Variants in HS3ST5 observed in about 807,000 individuals in gnomAD.
The protein encoded by HS3ST5 is heparan sulfate-glucosamine 3-sulfotransferase 5, also known as heparan sulfate glucosamine 3-O-sulfotransferase 5.
Under a neutral mutation model 25.4 loss-of-function variants are expected in HS3ST5, and 10 were observed. The observed-to-expected ratio is 0.39, with a 90% CI of 0.24 to 0.67. The LOEUF (loss-of-function observed/expected upper bound fraction) is 0.67. Ranked by LOEUF, HS3ST5 falls within the 30% of genes least tolerant of loss-of-function variation. The pLI is 0.44. For missense variants in HS3ST5, 324 were observed against 420.7 expected, an observed-to-expected ratio of 0.77 and a Z score of 2.01; for synonymous variants, 170 against 162.4, an observed-to-expected ratio of 1.05 and a Z score of -0.36.
At chr6:114,271,620 T>C (rs1773640251) in intron 1 of HS3ST5, among the ~76,000 whole-genome samples, 1 of 152,068 alleles carries the variant, frequency 6.6e-6, no homozygotes, top group South Asian at 2.1e-4. Flanking sequence ...ATCTCTTCCC[T>C]TACAATTGTA....
At chr6:114,187,991 C>T (rs932087074) in intron 2 of HS3ST5, among the ~76,000 whole-genome samples, 1 of 152,150 alleles carries the variant, frequency 6.6e-6, no homozygotes, top group African/African-American at 2.4e-5. Flanking sequence ...ATTTTTTAGA[C>T]ATACTGCTAT....
At chr6:114,225,871 A>G (rs1771248340) in intron 2 of HS3ST5, among the ~76,000 whole-genome samples, 1 of 151,938 alleles carries the variant, frequency 6.6e-6, no homozygotes, top group Admixed American at 6.6e-5. Flanking sequence ...TCTGTAAACC[A>G]TCATCTTGAA....
intron 1 of HS3ST5, among the ~76,000 whole-genome samples, chr6:114,341,264 A>AGAGT (rs1776855459): frequency 6.7e-6 from 1 of 148,982 alleles, no homozygotes; most frequent in Non-Finnish European, 1.5e-5. Flanking sequence ...AGAGAGAGTG[A>AGAGT]GTCCCACCGG....
At chr6:114,067,448 G>A (rs1461075770) in intron 3 of HS3ST5, among the ~76,000 whole-genome samples, 7 of 152,098 alleles carry the variant, frequency 4.6e-5, no homozygotes, top group East Asian at 1.9e-4. Flanking sequence ...AAACTATGAC[G>A]AAAAAACTGT....
intron 1 of HS3ST5, among the ~76,000 whole-genome samples, chr6:114,295,771 T>C (rs1255363130): frequency 3.9e-5 from 6 of 152,242 alleles, no homozygotes; most frequent in Non-Finnish European, 7.3e-5. Context: ...GTAGGTCTAC[T>C]GTGACGGAAG....
At chr6:114,090,572 G>A (rs1179136464) in intron 3 of HS3ST5, among the ~76,000 whole-genome samples, 2 of 152,158 alleles carry the variant, frequency 1.3e-5, no homozygotes, top group African/African-American at 2.4e-5. Flanking sequence ...GGTATGCTAT[G>A]TTCCAGCTTT....
At chr6:114,235,646 A>G (rs1771822539) in intron 1 of HS3ST5, 1 of 152,236 alleles carries the variant, frequency 6.6e-6, no homozygotes, top group Non-Finnish European at 1.5e-5. Context: ...CACCTCCAAC[A>G]AAACAATTCT....
rs1282133818 is a variant in HS3ST5 at position 114,056,841 on chromosome 6, T to G, written c.*416A>C. On this transcript the variant is annotated 3_prime_UTR_variant, in exon 5 of 5. Coordinates refer to ENST00000312719, the MANE Select transcript of HS3ST5 (RefSeq NM_153612.4). The stretch of plus-strand genomic sequence containing the variant: ...TCTGAATTAAAGAGCCAGCTTTCCC[T>G]TAGGAAAAAAAAAATGCATCACTGG... 1 of 157,020 alleles carries G rather than the reference T, an allele frequency of 6.4e-6. No homozygotes were observed. The allele number at this position is 157,020 out of a possible 1,614,324, so 9.7% of individuals were successfully genotyped here. A position where few individuals can be genotyped will look rare whatever the true frequency, so the allele number is the denominator to read the frequency against.
chr6:114,302,381 T>A (rs764307264), intron 1 of HS3ST5, among the ~76,000 whole-genome samples: 2 of 152,254 alleles, frequency 1.3e-5, no homozygotes, highest in Admixed American at 6.5e-5. Flanking sequence ...CATAGTTAAG[T>A]TTATTAATAA....
chr6:114,251,994 G>A (rs1462469219), intron 1 of HS3ST5: 1 of 152,170 alleles, frequency 6.6e-6, no homozygotes, highest in Non-Finnish European at 1.5e-5. Flanking sequence ...CAGCACCTAG[G>A]AGGGTACCTC....
At chr6:114,190,676 A>C (rs1208422416) in intron 2 of HS3ST5, among the ~76,000 whole-genome samples, 1 of 152,166 alleles carries the variant, frequency 6.6e-6, no homozygotes, top group African/African-American at 2.4e-5. Flanking sequence ...CCTTATGTGA[A>C]TAAGTTTCAA....
At chr6:114,092,748 T>G (rs1287900307) in intron 3 of HS3ST5, among the ~76,000 whole-genome samples, 1 of 151,556 alleles carries the variant, frequency 6.6e-6, no homozygotes, top group African/African-American at 2.4e-5. Flanking sequence ...CGATCTCGGC[T>G]TACTGCAACC....
At chr6:114,249,303 A>C (rs1187942410) in intron 1 of HS3ST5, among the ~76,000 whole-genome samples, 2 of 152,166 alleles carry the variant, frequency 1.3e-5, no homozygotes, top group African/African-American at 2.4e-5. Flanking sequence ...TTTACCATTT[A>C]TTACTTGTAC....
intron 1 of HS3ST5, among the ~76,000 whole-genome samples, chr6:114,300,172 A>T (rs1420250635): frequency 6.6e-6 from 1 of 152,172 alleles, no homozygotes; most frequent in Non-Finnish European, 1.5e-5. Flanking sequence ...ATCAAAATTA[A>T]AACTATTGTG....
At chr6:114,206,597 CA>C (rs1393036747) in intron 2 of HS3ST5, among the ~76,000 whole-genome samples, 1 of 152,132 alleles carries the variant, frequency 6.6e-6, no homozygotes, top group African/African-American at 2.4e-5. Flanking sequence ...TGAATGTTCT[CA>C]ACTGTAAACA....
intron 1 of HS3ST5, among the ~76,000 whole-genome samples, chr6:114,313,616 T>C (rs1357649161): frequency 6.6e-6 from 1 of 152,158 alleles, no homozygotes; most frequent in East Asian, 1.9e-4. Context: ...TAATCGATAG[T>C]AATGAAAATC....
intron 3 of HS3ST5, among the ~76,000 whole-genome samples, chr6:114,136,752 G>A (rs1777636555): frequency 6.6e-6 from 1 of 152,156 alleles, no homozygotes. Flanking sequence ...TGTTCAAGTG[G>A]AGGCTGTTGT....
intron 3 of HS3ST5, among the ~76,000 whole-genome samples, chr6:114,095,767 GA>G (rs1486456710): frequency 1.3e-5 from 2 of 152,076 alleles, no homozygotes; most frequent in Admixed American, 6.5e-5. Flanking sequence ...TCCTAAAGCA[GA>G]AACCTGGTTT....
At chr6:114,298,664 C>T (rs996229359) in intron 1 of HS3ST5, among the ~76,000 whole-genome samples, 4 of 152,224 alleles carry the variant, frequency 2.6e-5, no homozygotes, top group African/African-American at 9.7e-5. Context: ...GGGGGACCGG[C>T]TGAAGCCATG....
Sources: gnomAD v4.1 joint callset for allele counts (sites outside exome capture counted in the v4.1 genomes callset) on GRCh38, gnomAD v4.1.1 for gene constraint, MANE v1.5 for transcripts, NCBI Gene and HGNC (gene_info 2026-07-23, HGNC 2026-07-21) for gene names.